The following KSR2 variants were observed in gnomAD, a reference collection of about 807,000 sequenced individuals.
KSR2 encodes the protein kinase suppressor of ras 2.
A neutral mutation model predicts 107.8 loss-of-function variants in KSR2; 25 were observed. The ratio of observed to expected loss-of-function variants is 0.23; its 90% CI spans 0.17 to 0.32. The LOEUF (loss-of-function observed/expected upper bound fraction) is 0.32. Ranked by LOEUF, KSR2 falls within the 10% of genes least tolerant of loss-of-function variation. KSR2 has a pLI of 1.00. For synonymous variants in KSR2, 480 were observed against 507.0 expected, an observed-to-expected ratio of 0.95 and a Z score of 0.71; for missense variants, 887 against 1,268.9, an observed-to-expected ratio of 0.70 and a Z score of 4.57.
intron 5 of KSR2, among the ~76,000 whole-genome samples, chr12:117,631,051 C>T (rs887513001): frequency 1.3e-5 from 2 of 152,134 alleles, no homozygotes; most frequent in Non-Finnish European, 2.9e-5. Context: ...GGCGTGCTGG[C>T]TCACACCCAT....
At chr12:117,610,790 A>G (rs78324129) in intron 5 of KSR2, among the ~76,000 whole-genome samples, 6,004 of 151,408 alleles carry the variant, frequency 0.04, 317 homozygotes, top group African/African-American at 0.12. Context: ...CCCCACACGC[A>G]GTATTCCGAA....
At chr12:117,843,159 TC>T (rs1342706209) in intron 3 of KSR2, among the ~76,000 whole-genome samples, 1 of 152,056 alleles carries the variant, frequency 6.6e-6, no homozygotes, top group Admixed American at 6.5e-5. Context: ...ACAACTAGCA[TC>T]CCCATTTTAC....
Position 117,467,118 on chromosome 12 carries a change from T to C in KSR2, c.*81A>G, listed in dbSNP as rs1214492315. ...ACCCTCTGATGCTGAGTCTCTGGCC[T>C]CCTGAGCTGGCAGAGGACAGAGTAG... On this transcript the variant is annotated 3_prime_UTR_variant, in exon 20 of 20. Coordinates refer to ENST00000339824, the MANE Select transcript of KSR2 (RefSeq NM_173598.6). 1.7e-6 allele frequency: 1 copy of C among 587,988 alleles called. No homozygotes were observed. Among genetic ancestry groups the C allele is most frequent in the East Asian group, 3.0e-5 (1 of 33,106 alleles). The allele number at this position is 587,988 out of a possible 1,614,324, so 36.4% of individuals were successfully genotyped here.
In KSR2 at chr12:117,504,793, T is replaced by G. The variant is rs1436515025; in HGVS notation, c.2220-19102A>C. ...ATTTCAGTAGCTTTTGGGGTACAAG[T>G]GGTTTTTGGTTGCATGTATGTATTA... On this transcript the variant is annotated intron_variant, in intron 14 of 19. Coordinates refer to ENST00000339824, the MANE Select transcript of KSR2 (RefSeq NM_173598.6). 2.0e-5 allele frequency among the ~76,000 whole-genome samples: 3 copies of G among 152,244 alleles called. No homozygotes were observed. The East Asian group carries it at 5.8e-4, about 29-fold the overall frequency.
chr12:117,494,294 T>G (rs963964761), intron 14 of KSR2, among the ~76,000 whole-genome samples: 2 of 145,972 alleles, frequency 1.4e-5, no homozygotes, highest in Middle Eastern at 3.4e-3. Flanking sequence ...TTCCTGCATT[T>G]ACACACCTAC....
At chr12:117,766,360 G>C (rs925970587) in intron 3 of KSR2, among the ~76,000 whole-genome samples, 4 of 152,180 alleles carry the variant, frequency 2.6e-5, no homozygotes, top group African/African-American at 9.6e-5. Context: ...TATAGAGAAA[G>C]AGAGCAGATT....
intron 5 of KSR2, among the ~76,000 whole-genome samples, chr12:117,625,479 G>A (rs2136352670): frequency 6.6e-6 from 1 of 152,236 alleles, no homozygotes; most frequent in African/African-American, 2.4e-5. Context: ...TTTTGTCATG[G>A]GTTCTGCTTA....
chr12:117,518,520 A>G (rs4767554), intron 14 of KSR2, among the ~76,000 whole-genome samples: 55,483 of 152,090 alleles, frequency 0.36, 11,173 homozygotes, highest in South Asian at 0.57. Flanking sequence ...CCTTGATGCC[A>G]TCACTATTCT....
At chr12:117,923,667 ATGTG>A (rs530388125) in intron 1 of KSR2, among the ~76,000 whole-genome samples, 2 of 150,746 alleles carry the variant, frequency 1.3e-5, no homozygotes, top group Non-Finnish European at 3.0e-5. Context: ...TAAAATATAT[ATGTG>A]TGTGTGTGTG....
chr12:117,935,988 A>G (rs1478804637), intron 1 of KSR2, among the ~76,000 whole-genome samples: 2 of 151,454 alleles, frequency 1.3e-5, no homozygotes, highest in Non-Finnish European at 2.9e-5. Context: ...TCTTTTTTCC[A>G]TAGTACTTGT....
Position 117,454,800 on chromosome 12 carries a change from A to C in KSR2, c.*12399T>G, listed in dbSNP as rs1870515417. Reference sequence around the variant, plus strand: ...AGGTTTTTTGGTATGGCAAGACAGAACTGGGGGCCCCAGAGACATCAGAGA... The same window carrying C: ...AGGTTTTTTGGTATGGCAAGACAGACCTGGGGGCCCCAGAGACATCAGAGA... On this transcript the variant is annotated 3_prime_UTR_variant, in exon 20 of 20. Coordinates refer to ENST00000339824, the MANE Select transcript of KSR2 (RefSeq NM_173598.6). The C allele has an allele frequency of 1.3e-5, 2 of 152,272 alleles. No individual in the cohort carries two copies. Among genetic ancestry groups the C allele is most frequent in the Admixed American group, 1.3e-4 (2 of 15,282 alleles). The allele number at this position is 152,272 out of a possible 1,614,324, so 9.4% of individuals were successfully genotyped here.
intron 3 of KSR2, among the ~76,000 whole-genome samples, chr12:117,790,432 C>T (rs764897594): frequency 2.3e-4 from 35 of 152,110 alleles, no homozygotes; most frequent in Non-Finnish European, 4.0e-4. Flanking sequence ...AGTCTGGCTC[C>T]GTGAATCTGC....
At chr12:117,714,647 T>C (rs1392032874) in intron 4 of KSR2, among the ~76,000 whole-genome samples, 1 of 152,220 alleles carries the variant, frequency 6.6e-6, no homozygotes, top group African/African-American at 2.4e-5. Context: ...GTCTCTCTGC[T>C]TCTCAGCCCA....
At chr12:117,761,606 T>A in intron 3 of KSR2, 82 bp from the exon 4 acceptor site, 1 of 1,253,820 alleles carries the variant, frequency 8.0e-7, no homozygotes, top group Admixed American at 1.8e-5. Flanking sequence ...CATTACATCA[T>A]ACACACATTA....
At chr12:117,884,264 C>A (rs1894110395) in intron 1 of KSR2, among the ~76,000 whole-genome samples, 1 of 152,090 alleles carries the variant, frequency 6.6e-6, no homozygotes, top group East Asian at 1.9e-4. Context: ...GCACAATTCC[C>A]AATCCCAGAG....
intron 4 of KSR2, among the ~76,000 whole-genome samples, chr12:117,687,900 A>G (rs1439790582): frequency 6.6e-6 from 1 of 152,078 alleles, no homozygotes; most frequent in Non-Finnish European, 1.5e-5. Flanking sequence ...GCCCAAAGAC[A>G]CCTGGGTCCT....
intron 1 of KSR2, among the ~76,000 whole-genome samples, chr12:117,880,640 A>G (rs995656774): frequency 1.3e-5 from 2 of 152,014 alleles, no homozygotes; most frequent in Non-Finnish European, 2.9e-5. Context: ...CGACCCAGAA[A>G]ACCTGCCGGA....
chr12:117,502,216 T>C (rs1873419693), intron 14 of KSR2, among the ~76,000 whole-genome samples: 1 of 152,378 alleles, frequency 6.6e-6, no homozygotes, highest in South Asian at 2.1e-4. Context: ...TGCATGTGCA[T>C]GACTGTAGGC....
intron 3 of KSR2, among the ~76,000 whole-genome samples, chr12:117,799,680 A>G (rs1890760709): frequency 6.6e-6 from 1 of 152,186 alleles, no homozygotes; most frequent in Admixed American, 6.5e-5. Flanking sequence ...CAGCACAGTC[A>G]CTTCAAGCTG....
Sources: gnomAD v4.1 joint callset for allele counts (sites outside exome capture counted in the v4.1 genomes callset) on GRCh38, gnomAD v4.1.1 for gene constraint, MANE v1.5 for transcripts, NCBI Gene and HGNC (gene_info 2026-07-23, HGNC 2026-07-21) for gene names.